Variants in AEBP1 observed in about 807,000 individuals in gnomAD.
AEBP1 encodes the protein adipocyte enhancer-binding protein 1.
Under a neutral mutation model 116.5 loss-of-function variants are expected in AEBP1, and 69 were observed. The ratio of observed to expected loss-of-function variants is 0.59; its 90% CI spans 0.49 to 0.72. AEBP1 has a LOEUF of 0.72. Among genes scored for constraint, AEBP1 ranks in the 30% least tolerant of loss-of-function variants. The pLI is 0.00. For synonymous variants in AEBP1, 627 were observed against 627.3 expected, an observed-to-expected ratio of 1.00 and a Z score of 0.01; for missense variants, 1,444 against 1,557.5, an observed-to-expected ratio of 0.93 and a Z score of 1.23.
In AEBP1 at chr7:44,113,378, ATCTT is replaced by A. The variant is rs1448984764; in HGVS notation, c.2809+31_2809+34del. On this transcript the variant is annotated intron_variant, in intron 20 of 20. Coordinates refer to ENST00000223357, the MANE Select transcript of AEBP1 (RefSeq NM_001129.5). The surrounding 1 kb of genome is among the most constrained non-coding windows in gnomAD (Gnocchi z 5.3). ...TACCTAGTGTGCACACCTTTACCCC[ATCTT>A]TCTGAGGGAGGACCCGCCAGAGAGG... is the stretch of plus-strand genomic sequence containing the variant. 6.3e-7 allele frequency: 1 copy of A among 1,587,488 alleles called. No homozygotes were observed. Among genetic ancestry groups the A allele is most frequent in the Non-Finnish European group, 8.6e-7 (1 of 1,163,698 alleles).
In AEBP1 at chr7:44,111,491, T is replaced by TC. The variant is rs769062960; in HGVS notation, c.1717-11dup. The TC allele has an allele frequency of 6.4e-7, 1 of 1,566,072 alleles. No homozygotes were observed. The highest frequency in any genetic ancestry group is 8.6e-7 in the Non-Finnish European group (1 of 1,156,480). On this transcript the variant is annotated splice_polypyrimidine_tract_variant and intron_variant, in intron 14 of 20. Coordinates refer to ENST00000223357, the MANE Select transcript of AEBP1 (RefSeq NM_001129.5). This position sits in a 1 kb window ranked among gnomAD's most constrained non-coding sequence, Gnocchi z 4.7. ...GGATTGCATGATTGATTCCACGTCC[T>TC]CCCCCTCTGCCCCAGCTCATGAAGG... is the stretch of plus-strand genomic sequence containing the variant.
Position 44,113,450 on chromosome 7 carries a change from G to T in AEBP1, c.2809+99G>T. On this transcript the variant is annotated intron_variant, in intron 20 of 20. Coordinates refer to ENST00000223357, the MANE Select transcript of AEBP1 (RefSeq NM_001129.5). This position sits in a 1 kb window ranked among gnomAD's most constrained non-coding sequence, Gnocchi z 5.3. ...TCAGCGAGCAGGTAGAGTCTGGGGA[G>T]CCTGGGGGCGAAATTCAGAGAGGGA... 1 of 1,429,090 alleles carries T rather than the reference G, an allele frequency of 7.0e-7. No homozygotes were observed. The highest frequency in any genetic ancestry group is 2.1e-5 in the Admixed American group (1 of 47,826). The allele number at this position is 1,429,090 out of a possible 1,614,324, so 88.5% of individuals were successfully genotyped here. A position where few individuals can be genotyped will look rare whatever the true frequency, so the allele number is the denominator to read the frequency against.
intron 1 of AEBP1, 25 bp downstream of exon 1, chr7:44,104,943 G>T: frequency 6.6e-7 from 1 of 1,506,562 alleles, no homozygotes; most frequent in Non-Finnish European, 8.9e-7. Flanking sequence ...CAGGGCGGGG[G>T]TGTGGGGGGC....
Position 44,111,387 on chromosome 7 carries a change from G to A in AEBP1, c.1717-120G>A. On this transcript the variant is annotated intron_variant, in intron 14 of 20. Transcript: ENST00000223357. This position sits in a 1 kb window ranked among gnomAD's most constrained non-coding sequence, Gnocchi z 4.7. The stretch of plus-strand genomic sequence containing the variant: ...CCTTAGGAAGGAGGCCAGTACCTGG[G>A]GGCTGCGTGAAGGGGTCATGCCCGT... The A allele has an allele frequency of 7.0e-7, 1 of 1,431,138 alleles. No homozygotes were observed. Among genetic ancestry groups the A allele is most frequent in the Non-Finnish European group, 9.3e-7 (1 of 1,080,592 alleles). The allele number at this position is 1,431,138 out of a possible 1,614,324, so 88.7% of individuals were successfully genotyped here.
intron 8 of AEBP1, 38 bp from the exon 9 acceptor site, chr7:44,109,250 G>A (rs980914752): frequency 2.4e-5 from 39 of 1,611,506 alleles, no homozygotes; most frequent in African/African-American, 2.4e-4. Context: ...ATTGCCTCCC[G>A]GGCCCTTGGT....
rs781315182 is a variant in AEBP1 at position 44,113,072 on chromosome 7, G to A, written c.2651G>A (p.Ser884Asn). Reference sequence around the variant, plus strand: ...GGCTGTGACAAGTTCCCTCATGAGAGTGAGCTGCCCCGCGAGTGGGAGAAC... The same window carrying A: ...GGCTGTGACAAGTTCCCTCATGAGAATGAGCTGCCCCGCGAGTGGGAGAAC... ...YLGCDKFPHE[S>N]ELPREWENNK... The change falls in exon 19 of 21, where the codon AGT (serine) becomes AAT (asparagine). Residue 884 changes from serine to asparagine, a missense_variant. Transcript: ENST00000223357. This position sits in a 1 kb window ranked among gnomAD's most constrained non-coding sequence, Gnocchi z 5.3. The A allele has an allele frequency of 3.1e-6, 5 of 1,614,122 alleles. No individual in the cohort carries two copies. Among genetic ancestry groups the A allele is most frequent in the South Asian group, 1.1e-5 (1 of 91,086 alleles).
Position 44,109,866 on chromosome 7 carries a change from C to T in AEBP1, c.1151-149C>T, listed in dbSNP as rs1447490893. ...TGAGTCGATTCCAGGTGGGCTGGTG[C>T]AGGGCACCAGGGAGCCACCAGCTGA... On this transcript the variant is annotated intron_variant, in intron 9 of 20. Transcript: ENST00000223357. 7.3e-6 allele frequency: 5 copies of T among 685,818 alleles called. No individual in the cohort carries two copies. In the East Asian group the frequency reaches 1.1e-4, roughly 15 times the overall value. The allele number at this position is 685,818 out of a possible 1,614,324, so 42.5% of individuals were successfully genotyped here.
chr7:44,105,061 G>A lies in AEBP1; in HGVS notation c.253+143G>A, dbSNP rs1428709870. The A allele has an allele frequency of 2.0e-5, 16 of 805,580 alleles. No individual in the cohort carries two copies. The Admixed American group carries it at 4.7e-4, about 24-fold the overall frequency. The allele number at this position is 805,580 out of a possible 1,614,324, so 49.9% of individuals were successfully genotyped here. A position where few individuals can be genotyped will look rare whatever the true frequency, so the allele number is the denominator to read the frequency against. On this transcript the variant is annotated intron_variant, in intron 1 of 20. Coordinates refer to ENST00000223357, the MANE Select transcript of AEBP1 (RefSeq NM_001129.5). ...ATGCGCACGCGAGCCCAGATGCCTG[G>A]AGGGACCCTGTGCTAGGCCGAGGTC...
At chr7:44,109,388 G>A (rs753105141) in intron 9 of AEBP1, 47 bp downstream of exon 9, 18 of 1,458,242 alleles carry the variant, frequency 1.2e-5, no homozygotes, top group Non-Finnish European at 1.6e-5. Flanking sequence ...ACAGGATGGG[G>A]GTGCTGGGAC....
chr7:44,105,967 C>G (rs934930432), intron 1 of AEBP1, among the ~76,000 whole-genome samples: 1 of 152,176 alleles, frequency 6.6e-6, no homozygotes, highest in Non-Finnish European at 1.5e-5. Flanking sequence ...GATCCCTGAA[C>G]CCCCCAGGAC....
chr7:44,104,854 C>A lies in AEBP1; in HGVS notation c.189C>A (p.Thr63=). ...DVEAPPPPEP[T]PRVRKAQAGG... ...AGGCCCCGCCGCCTCCCGAGCCCAC[C>A]CCGCGGGTCCGAAAAGCCCAGGCGG... Residue 63 remains threonine (T), a synonymous_variant, in exon 1 of 21, where the codon ACC becomes ACA. Transcript: ENST00000223357. 1 of 1,575,470 alleles carries A rather than the reference C, an allele frequency of 6.3e-7. No homozygotes were observed. Among genetic ancestry groups the A allele is most frequent in the Non-Finnish European group, 8.6e-7 (1 of 1,161,392 alleles).
At position 44,112,842 on chromosome 7, in the gene AEBP1, C is replaced by T. The variant is rs1164648817; in HGVS notation, c.2502C>T (p.Cys834=). Residue 834 remains cysteine (C), a synonymous_variant, in exon 18 of 21, where the codon TGC becomes TGT. Transcript: ENST00000223357. The surrounding 1 kb of genome is among the most constrained non-coding windows in gnomAD (Gnocchi z 6.6). ...LTLTEPYRGG[C]QAQDYTGGMG... Reference sequence around the variant, plus strand: ...TGACCGAGCCCTACCGCGGAGGCTGCCAAGCCCAGGACTACACCGGCGGCA... The same window carrying T: ...TGACCGAGCCCTACCGCGGAGGCTGTCAAGCCCAGGACTACACCGGCGGCA... 8 of 1,612,570 alleles carry T rather than the reference C, an allele frequency of 5.0e-6. No homozygotes were observed. Among genetic ancestry groups the T allele is most frequent in the Non-Finnish European group, 6.8e-6 (8 of 1,179,934 alleles).
Position 44,107,429 on chromosome 7 carries a change from T to C in AEBP1, c.596-10T>C. 6.2e-7 allele frequency: 1 copy of C among 1,613,112 alleles called. No homozygotes were observed. On this transcript the variant is annotated splice_polypyrimidine_tract_variant and intron_variant, in intron 2 of 20. Coordinates refer to ENST00000223357, the MANE Select transcript of AEBP1 (RefSeq NM_001129.5). The surrounding 1 kb of genome is among the most constrained non-coding windows in gnomAD (Gnocchi z 4.3). The stretch of plus-strand genomic sequence containing the variant: ...CCCGCCCACCTGCTTCTGGAACTCC[T>C]GTGTTGCAGGGGCGCCCCTCTCAAA...
chr7:44,106,287 T>TC (rs1451514138), intron 1 of AEBP1: 4 of 645,210 alleles, frequency 6.2e-6, no homozygotes. Flanking sequence ...GATGAGGGCC[T>TC]CCCCCTGGGA....
rs1371094374 is a variant in AEBP1 at position 44,113,088 on chromosome 7, G to A, written c.2667G>A (p.Glu889=). ...KFPHESELPR[E]WENNKEALLT... is the part of the protein sequence containing the mutation. ...CTCATGAGAGTGAGCTGCCCCGCGAGTGGGAGAACAACAAGGAGGCGCTGC... is the reference window on the plus strand; with the variant it reads ...CTCATGAGAGTGAGCTGCCCCGCGAATGGGAGAACAACAAGGAGGCGCTGC... The change falls in exon 19 of 21, where the codon GAG becomes GAA. Residue 889 remains glutamate (E), a synonymous_variant. Transcript: ENST00000223357. This position sits in a 1 kb window ranked among gnomAD's most constrained non-coding sequence, Gnocchi z 5.3. 1 of 1,614,140 alleles carries A rather than the reference G, an allele frequency of 6.2e-7. No homozygotes were observed. The highest frequency in any genetic ancestry group is 1.7e-5 in the Admixed American group (1 of 60,030).
chr7:44,108,087 G>T lies in AEBP1; in HGVS notation c.940+3G>T. The T allele has an allele frequency of 6.3e-7, 1 of 1,597,872 alleles. No individual in the cohort carries two copies. The highest frequency in any genetic ancestry group is 2.3e-5 in the East Asian group (1 of 43,902). ...CGTGATCCCCAACTACGATGACAGTGAGTACCCAGCACCCCAGAGTCTGAG... is the reference window on the plus strand; with the variant it reads ...CGTGATCCCCAACTACGATGACAGTTAGTACCCAGCACCCCAGAGTCTGAG... On this transcript the variant is annotated splice_donor_region_variant and intron_variant, in intron 6 of 20. Transcript: ENST00000223357. The surrounding 1 kb of genome is among the most constrained non-coding windows in gnomAD (Gnocchi z 5.0).
chr7:44,111,798 T>C lies in AEBP1; in HGVS notation c.1841-56T>C. The C allele has an allele frequency of 6.4e-7, 1 of 1,572,236 alleles. No individual in the cohort carries two copies. Among genetic ancestry groups the C allele is most frequent in the South Asian group, 1.2e-5 (1 of 86,060 alleles). On this transcript the variant is annotated intron_variant, in intron 15 of 20. Coordinates refer to ENST00000223357, the MANE Select transcript of AEBP1 (RefSeq NM_001129.5). This position sits in a 1 kb window ranked among gnomAD's most constrained non-coding sequence, Gnocchi z 4.7. ...GTATGAGGTGGGTCTGGGTCCTTCC[T>C]CAGCTGCCCTGGGCCTCGGGAGACT...
At chr7:44,110,594 G>A in intron 11 of AEBP1, 131 bp from the exon 12 acceptor site, 1 of 1,019,348 alleles carries the variant, frequency 9.8e-7, no homozygotes, top group Non-Finnish European at 1.4e-6. Flanking sequence ...TAGGACCCAG[G>A]CTCAACACCT....
Position 44,112,516 on chromosome 7 carries a change from C to G in AEBP1, c.2218-42C>G, listed in dbSNP as rs752036186. Reference sequence around the variant, plus strand: ...GATCGGGCTAGGTTGGGGATAGTGGCCGGAGCTGCAGCCCTGGCCTCACAC... The same window carrying G: ...GATCGGGCTAGGTTGGGGATAGTGGGCGGAGCTGCAGCCCTGGCCTCACAC... On this transcript the variant is annotated intron_variant, in intron 17 of 20. Coordinates refer to ENST00000223357, the MANE Select transcript of AEBP1 (RefSeq NM_001129.5). The surrounding 1 kb of genome is among the most constrained non-coding windows in gnomAD (Gnocchi z 6.6). The G allele has an allele frequency of 7.3e-7, 1 of 1,367,962 alleles. No homozygotes were observed. 84.7% of individuals were successfully genotyped at this position (1,367,962 alleles called of 1,614,324 possible). A position where few individuals can be genotyped will look rare whatever the true frequency, so the allele number is the denominator to read the frequency against.
Sources: gnomAD v4.1 joint callset for allele counts (sites outside exome capture counted in the v4.1 genomes callset) on GRCh38, gnomAD v4.1.1 for gene constraint, Gnocchi (gnomAD v3.1) non-coding constraint, MANE v1.5 for transcripts, NCBI Gene and HGNC (gene_info 2026-07-23, HGNC 2026-07-21) for gene names.